Variants in KLF7 observed in about 807,000 individuals in gnomAD.
KLF7 encodes the protein Krueppel-like factor 7.
In KLF7, 2 loss-of-function variants were observed where a neutral mutation model predicts 27.3. The ratio of observed to expected loss-of-function variants is 0.07; its 90% CI spans 0.03 to 0.23. The LOEUF is 0.23. Ranked by LOEUF, KLF7 falls within the 10% of genes least tolerant of loss-of-function variation. The pLI, the probability that KLF7 is intolerant of heterozygous loss-of-function variation, is 1.00. For synonymous variants in KLF7, 165 were observed against 162.4 expected (o/e 1.02, Z -0.12); for missense variants, 221 against 394.1 (o/e 0.56, Z 3.72).
intron 2 of KLF7, among the ~76,000 whole-genome samples, chr2:207,114,044 T>C (rs2105950104): frequency 6.6e-6 from 1 of 152,340 alleles, no homozygotes; most frequent in South Asian, 2.1e-4. Context: ...TATGATACCT[T>C]TTCTAAACGC....
intron 1 of KLF7, among the ~76,000 whole-genome samples, chr2:207,139,574 T>C (rs961022693): frequency 2.6e-5 from 4 of 152,128 alleles, no homozygotes; most frequent in African/African-American, 9.7e-5. Flanking sequence ...TATCTCTTAG[T>C]ACCTTGGAAA....
At chr2:207,100,884 T>G (rs1026242922) in intron 2 of KLF7, among the ~76,000 whole-genome samples, 1 of 152,258 alleles carries the variant, frequency 6.6e-6, no homozygotes, top group Admixed American at 6.5e-5. Flanking sequence ...AAATATCTAG[T>G]GTATGTCCAG....
chr2:207,125,832 G>A (rs931390689), intron 1 of KLF7, among the ~76,000 whole-genome samples: 1 of 152,162 alleles, frequency 6.6e-6, no homozygotes, highest in African/African-American at 2.4e-5. Flanking sequence ...GTGGTAGATG[G>A]AGAAGATATA....
rs1574563666 is a variant in KLF7 at position 207,147,640 on chromosome 2, C to A, written c.102+17827G>T. Among the ~76,000 whole-genome samples, 2 of 152,286 alleles carry A rather than the reference C, an allele frequency of 1.3e-5. 1 individual carries two copies. Among genetic ancestry groups the A allele is most frequent in the African/African-American group, 4.8e-5 (2 of 41,560 alleles). On this transcript the variant is annotated intron_variant, in intron 1 of 3. Coordinates refer to ENST00000309446, the MANE Select transcript of KLF7 (RefSeq NM_003709.4). ...CCACCCTCTGCCATGGCTCCCCTGG[C>A]CCCATAAAGGTTTCACCCCTATTTT... is the stretch of plus-strand genomic sequence containing the variant.
In KLF7 at chr2:207,135,642, A is replaced by G. The variant is rs150649524; in HGVS notation, c.103-11238T>C. On this transcript the variant is annotated intron_variant, in intron 1 of 3. Transcript: ENST00000309446. ...AAAGTGAAAGTCAACAGTGATCACAATCCTGGGTAGGAAGAGATTCAAGAG... is the reference window on the plus strand; with the variant it reads ...AAAGTGAAAGTCAACAGTGATCACAGTCCTGGGTAGGAAGAGATTCAAGAG... 5.2e-4 allele frequency among the ~76,000 whole-genome samples: 79 copies of G among 152,344 alleles called. 1 individual carries two copies. In the East Asian group the frequency reaches 0.01, roughly 20 times the overall value.
chr2:207,120,266 G>GA (rs1289691322), intron 2 of KLF7, among the ~76,000 whole-genome samples: 4 of 151,898 alleles, frequency 2.6e-5, no homozygotes, highest in Admixed American at 6.6e-5. Flanking sequence ...GCCACAGAAG[G>GA]AAAAAAATGC....
At chr2:207,089,396 C>A (rs2076460270) in intron 2 of KLF7, among the ~76,000 whole-genome samples, 1 of 152,188 alleles carries the variant, frequency 6.6e-6, no homozygotes, top group African/African-American at 2.4e-5. Context: ...GACCTTTTCA[C>A]ACAGTAAATA....
intron 1 of KLF7, among the ~76,000 whole-genome samples, chr2:207,141,220 C>T (rs2077934062): frequency 6.6e-6 from 1 of 152,140 alleles, no homozygotes; most frequent in South Asian, 2.1e-4. Context: ...CTACTCTGAT[C>T]CCTCTGCTTA....
the KLF7 span, among the ~76,000 whole-genome samples, chr2:207,172,305 A>T: frequency 6.6e-6 from 1 of 152,174 alleles, no homozygotes; most frequent in Non-Finnish European, 1.5e-5. Flanking sequence ...TTAAGTTTCC[A>T]GTTTATTAAC....
chr2:207,138,977 G>T (rs181843955), intron 1 of KLF7, among the ~76,000 whole-genome samples: 8 of 152,282 alleles, frequency 5.3e-5, no homozygotes, highest in Admixed American at 5.2e-4. Flanking sequence ...AAAAGAAAAT[G>T]AAAATGGCGC....
chr2:207,147,811 C>G (rs1386731319), intron 1 of KLF7, among the ~76,000 whole-genome samples: 2 of 152,210 alleles, frequency 1.3e-5, no homozygotes, highest in Non-Finnish European at 2.9e-5. Context: ...GATACTAACA[C>G]CAGCCCCTCG....
chr2:207,154,821 CT>C (rs1332335880), intron 1 of KLF7, among the ~76,000 whole-genome samples: 2 of 152,212 alleles, frequency 1.3e-5, no homozygotes, highest in African/African-American at 4.8e-5. Flanking sequence ...GGTTCCACCT[CT>C]GCTTGATTTC....
At chr2:207,166,175 T>C, upstream of KLF7, 1 of 985,392 alleles carries the variant, frequency 1.0e-6, no homozygotes, top group Non-Finnish European at 1.2e-6. Flanking sequence ...GGGCGTCCAT[T>C]AGGCCGCGTG....
chr2:207,117,294 G>A (rs1026003292), intron 2 of KLF7, among the ~76,000 whole-genome samples: 5 of 152,112 alleles, frequency 3.3e-5, no homozygotes, highest in Admixed American at 3.3e-4. Context: ...TTACCATGTG[G>A]TAAAGTTTTA....
chr2:207,156,300 C>T (rs1028776674), intron 1 of KLF7, among the ~76,000 whole-genome samples: 3 of 152,220 alleles, frequency 2.0e-5, no homozygotes, highest in Middle Eastern at 3.2e-3. Flanking sequence ...GTGAAGGCAG[C>T]CTCCTTGCCG....
At chr2:207,094,117 C>A (rs559816642) in intron 2 of KLF7, among the ~76,000 whole-genome samples, 1 of 152,304 alleles carries the variant, frequency 6.6e-6, no homozygotes, top group Non-Finnish European at 1.5e-5. Flanking sequence ...AGTGATATGT[C>A]AAATGTACTG....
At chr2:207,146,425 CCT>C (rs944158191) in intron 1 of KLF7, among the ~76,000 whole-genome samples, 5 of 152,202 alleles carry the variant, frequency 3.3e-5, no homozygotes, top group African/African-American at 9.6e-5. Flanking sequence ...GCCCCCTTCC[CCT>C]GAGTCAGACC....
Position 207,081,133 on chromosome 2 carries a change from G to A in KLF7, c.*80C>T. The A allele has an allele frequency of 1.6e-6, 2 of 1,255,618 alleles. No individual in the cohort carries two copies. Among genetic ancestry groups the A allele is most frequent in the Non-Finnish European group, 2.3e-6 (2 of 854,322 alleles). The allele number at this position is 1,255,618 out of a possible 1,614,324, so 77.8% of individuals were successfully genotyped here. A position where few individuals can be genotyped will look rare whatever the true frequency, so the allele number is the denominator to read the frequency against. On this transcript the variant is annotated 3_prime_UTR_variant, in exon 4 of 4. Transcript: ENST00000309446. The stretch of plus-strand genomic sequence containing the variant: ...TTCTTCTGCGAGGCAATGGGTCCCC[G>A]CCTGAAGTCCAGCCCCCTGCCTCAT...
In KLF7 at chr2:207,165,664, G is replaced by T; in HGVS notation, c.-96C>A. 1.3e-6 allele frequency: 2 copies of T among 1,578,818 alleles called. No individual in the cohort carries two copies. On this transcript the variant is annotated 5_prime_UTR_variant, in exon 1 of 4. Coordinates refer to ENST00000309446, the MANE Select transcript of KLF7 (RefSeq NM_003709.4). ...TCTGTCTGGCTCACCCCCCAAGAAG[G>T]CAGACATCCAGTGGCCCTTTTGTTT...
Sources: allele counts gnomAD v4.1 joint callset (sites outside exome capture counted in the v4.1 genomes callset), GRCh38; gene constraint gnomAD v4.1.1; transcripts MANE v1.5; gene names NCBI Gene and HGNC (gene_info 2026-07-23, HGNC 2026-07-21).